The following TENM4 variants were observed in gnomAD, a reference collection of about 807,000 sequenced individuals.
TENM4 encodes the protein teneurin-4.
TENM4 carries 82 observed loss-of-function variants against 243.3 expected under a neutral mutation model. The ratio of observed to expected loss-of-function variants is 0.34; its 90% CI spans 0.28 to 0.40. The LOEUF is 0.40. Among genes scored for constraint, TENM4 ranks in the 10% least tolerant of loss-of-function variants. The pLI is 1.00. For synonymous variants in TENM4, 1,412 were observed against 1,456.3 expected, an observed-to-expected ratio of 0.97 and a Z score of 0.69; for missense variants, 3,138 against 3,673.3, an observed-to-expected ratio of 0.85 and a Z score of 3.77.
chr11:79,038,667 G>A (rs986890370), intron 6 of TENM4, among the ~76,000 whole-genome samples: 1 of 152,146 alleles, frequency 6.6e-6, no homozygotes, highest in Admixed American at 6.5e-5. Flanking sequence ...ATTTCTCTCT[G>A]TTGCTTTTCT....
intron 2 of TENM4, among the ~76,000 whole-genome samples, chr11:79,290,267 G>T (rs1856331907): frequency 6.6e-6 from 1 of 152,228 alleles, no homozygotes; most frequent in Non-Finnish European, 1.5e-5. Context: ...GTAGGAGGAT[G>T]AAGAATATGT....
At chr11:79,169,080 C>A (rs1356584408) in intron 3 of TENM4, among the ~76,000 whole-genome samples, 1 of 152,198 alleles carries the variant, frequency 6.6e-6, no homozygotes, top group African/African-American at 2.4e-5. Context: ...AAGTCCAATA[C>A]CCCAGGAACC....
At chr11:79,183,853 A>C (rs1054219315) in intron 3 of TENM4, among the ~76,000 whole-genome samples, 3 of 152,262 alleles carry the variant, frequency 2.0e-5, no homozygotes, top group Non-Finnish European at 4.4e-5. Context: ...AACAGAAAAT[A>C]ACAAGCATTG....
At chr11:78,927,390 C>T (rs2136408435) in intron 6 of TENM4, among the ~76,000 whole-genome samples, 1 of 152,300 alleles carries the variant, frequency 6.6e-6, no homozygotes, top group East Asian at 1.9e-4. Flanking sequence ...CACCTCTTCT[C>T]TCATTTTTCT....
intron 2 of TENM4, among the ~76,000 whole-genome samples, chr11:79,231,257 G>C (rs971959747): frequency 6.6e-6 from 1 of 152,182 alleles, no homozygotes; most frequent in African/African-American, 2.4e-5. Context: ...ATTGCAAACA[G>C]ACATGGCTGG....
chr11:79,291,992 C>T (rs900992333), intron 2 of TENM4, among the ~76,000 whole-genome samples: 6 of 152,166 alleles, frequency 3.9e-5, no homozygotes, highest in African/African-American at 7.2e-5. Flanking sequence ...CTGCCCAGGT[C>T]GTCCAGAGCC....
chr11:79,151,359 A>T (rs1292550442), intron 3 of TENM4, among the ~76,000 whole-genome samples: 2 of 152,216 alleles, frequency 1.3e-5, no homozygotes, highest in East Asian at 3.8e-4. Flanking sequence ...CAAGAATTAC[A>T]CAAGTATAGT....
intron 9 of TENM4, among the ~76,000 whole-genome samples, chr11:78,881,727 T>A (rs1297026806): frequency 1.3e-5 from 2 of 152,200 alleles, no homozygotes; most frequent in Non-Finnish European, 2.9e-5. Context: ...TCTTCTATCA[T>A]GGGGAGGCTC....
chr11:79,425,976 G>A (rs562133791), intron 1 of TENM4, among the ~76,000 whole-genome samples: 16 of 152,302 alleles, frequency 1.1e-4, no homozygotes, highest in South Asian at 1.0e-3. Context: ...GCACAAACAT[G>A]TGCCAAAATG....
chr11:78,689,273 C>T (rs1345597270), intron 28 of TENM4, among the ~76,000 whole-genome samples: 2 of 152,184 alleles, frequency 1.3e-5, no homozygotes, highest in African/African-American at 2.4e-5. Flanking sequence ...TCAACACATG[C>T]GCTCCTCCCT....
At chr11:78,751,863 C>T (rs1391829432) in intron 19 of TENM4, among the ~76,000 whole-genome samples, 1 of 152,190 alleles carries the variant, frequency 6.6e-6, no homozygotes, top group Non-Finnish European at 1.5e-5. Context: ...GTTGGAGGTC[C>T]TGCAGACCTC....
chr11:78,782,906 G>T (rs1856867033), intron 16 of TENM4, among the ~76,000 whole-genome samples: 1 of 152,114 alleles, frequency 6.6e-6, no homozygotes, highest in African/African-American at 2.4e-5. Context: ...TACCCCCAGA[G>T]GAAGCTTTTG....
intron 6 of TENM4, among the ~76,000 whole-genome samples, chr11:78,990,056 C>T (rs1022978370): frequency 1.3e-4 from 19 of 144,142 alleles, no homozygotes; most frequent in African/African-American, 5.0e-4. Context: ...AGGAGTGAGG[C>T]TTTGTTTAAA....
At chr11:79,268,133 C>T (rs974077709) in intron 2 of TENM4, among the ~76,000 whole-genome samples, 4 of 152,198 alleles carry the variant, frequency 2.6e-5, no homozygotes, top group African/African-American at 9.7e-5. Context: ...CAAGAGAGAA[C>T]TTTCTCAACT....
At chr11:78,804,442 T>C (rs1457217215) in intron 15 of TENM4, among the ~76,000 whole-genome samples, 1 of 152,190 alleles carries the variant, frequency 6.6e-6, no homozygotes, top group Non-Finnish European at 1.5e-5. Flanking sequence ...AGCTGACAGC[T>C]TTCTTGTAGG....
chr11:78,789,194 G>A (rs1172695494), intron 15 of TENM4, among the ~76,000 whole-genome samples: 1 of 152,124 alleles, frequency 6.6e-6, no homozygotes, highest in Non-Finnish European at 1.5e-5. Flanking sequence ...TGGGGCTATA[G>A]GTGCCTGAGA....
chr11:79,006,972 C>T (rs1297168431), intron 6 of TENM4, among the ~76,000 whole-genome samples: 1 of 152,144 alleles, frequency 6.6e-6, no homozygotes, highest in Non-Finnish European at 1.5e-5. Flanking sequence ...TTCATTCACT[C>T]AGTTGAAGGC....
At chr11:79,348,773 T>C (rs1210708636) in intron 1 of TENM4, among the ~76,000 whole-genome samples, 2 of 152,188 alleles carry the variant, frequency 1.3e-5, no homozygotes, top group Admixed American at 1.3e-4. Flanking sequence ...CAATTTATGG[T>C]ATTTTGTTAT....
At chr11:79,008,368 C>T (rs901617395) in intron 6 of TENM4, among the ~76,000 whole-genome samples, 1 of 152,092 alleles carries the variant, frequency 6.6e-6, no homozygotes, top group Non-Finnish European at 1.5e-5. Context: ...CTTTTACTTC[C>T]CTTCTTTAGA....
Sources: allele counts gnomAD v4.1 joint callset (sites outside exome capture counted in the v4.1 genomes callset), GRCh38; gene constraint gnomAD v4.1.1; transcripts MANE v1.5; gene names NCBI Gene and HGNC (gene_info 2026-07-23, HGNC 2026-07-21).